ARHGEF38: variants seen among roughly 807,000 people sequenced by gnomAD.
ARHGEF38 encodes Rho guanine nucleotide exchange factor (GEF) 38.
A neutral mutation model predicts 79.9 loss-of-function variants in ARHGEF38; 79 were observed. The ratio of observed to expected loss-of-function variants is 0.99; its 90% CI spans 0.82 to 1.19. The LOEUF (loss-of-function observed/expected upper bound fraction) is 1.19. ARHGEF38 is among the 50% of genes most tolerant of loss of function. The probability of loss-of-function intolerance (pLI) is 0.00; values close to 1 mark genes in which losing one functional copy is unlikely to be tolerated. For missense variants in ARHGEF38, 962 were observed against 907.2 expected (o/e 1.06, Z -0.78); for synonymous variants, 366 against 328.3 (o/e 1.11, Z -1.24).
intron 1 of ARHGEF38, among the ~76,000 whole-genome samples, chr4:105,567,651 C>G (rs1284445382): frequency 6.6e-6 from 1 of 152,040 alleles, no homozygotes; most frequent in Non-Finnish European, 1.5e-5. Flanking sequence ...GTCTTTACTT[C>G]TAGATTATAC....
chr4:105,565,171 C>A (rs1578258127), intron 1 of ARHGEF38, among the ~76,000 whole-genome samples: 1 of 152,164 alleles, frequency 6.6e-6, no homozygotes, highest in Non-Finnish European at 1.5e-5. Flanking sequence ...AAATCACATG[C>A]CCTTCCAATG....
intron 7 of ARHGEF38, among the ~76,000 whole-genome samples, chr4:105,652,928 A>C (rs974207771): frequency 1.3e-5 from 2 of 152,214 alleles, no homozygotes; most frequent in Admixed American, 6.5e-5. Flanking sequence ...TTCTAATATC[A>C]ACCCTCTTAA....
At chr4:105,611,337 A>C (rs1440974648) in intron 2 of ARHGEF38, among the ~76,000 whole-genome samples, 20 of 152,106 alleles carry the variant, frequency 1.3e-4, no homozygotes, top group Admixed American at 1.3e-3. Flanking sequence ...TTTGAACTAA[A>C]CCAATTTATA....
intron 5 of ARHGEF38, among the ~76,000 whole-genome samples, chr4:105,644,616 A>G (rs1325022006): frequency 6.6e-6 from 1 of 152,244 alleles, no homozygotes; most frequent in East Asian, 1.9e-4. Context: ...ATGATTAGTG[A>G]TAGGGATAGT....
intron 10 of ARHGEF38, among the ~76,000 whole-genome samples, chr4:105,665,353 T>C (rs896820888): frequency 6.6e-6 from 1 of 151,542 alleles, no homozygotes; most frequent in South Asian, 2.1e-4. Flanking sequence ...AATAATTAGC[T>C]GGGCGTGGTG....
At chr4:105,583,260 A>G (rs1726880953) in intron 1 of ARHGEF38, among the ~76,000 whole-genome samples, 1 of 152,232 alleles carries the variant, frequency 6.6e-6, no homozygotes, top group African/African-American at 2.4e-5. Context: ...AAAAACATCT[A>G]AAGTTCATTA....
chr4:105,598,605 G>A (rs751734087), intron 2 of ARHGEF38, among the ~76,000 whole-genome samples: 6 of 151,824 alleles, frequency 4.0e-5, no homozygotes, highest in African/African-American at 1.2e-4. Context: ...TACAAATACC[G>A]ATTTTCATGA....
At position 105,613,498 on chromosome 4, in the gene ARHGEF38, C is replaced by A. The variant is rs1488328103; in HGVS notation, c.499C>A (p.Gln167Lys). 1.2e-6 allele frequency: 2 copies of A among 1,612,600 alleles called. No homozygotes were observed. The highest frequency in any genetic ancestry group is 1.7e-5 in the Admixed American group (1 of 59,902). Residue 167 changes from glutamine (Q) to lysine (K), a missense_variant, in exon 3 of 14, where the codon CAA becomes AAA. By Grantham distance (53) the Gln-to-Lys change is moderately conservative. Transcript: ENST00000420470. ...CACAACAGACGTGGAACCGGCCATG[C>A]AAGTAATTGGTATGTTTATTCTCTT... ...EATTDVEPAM[Q>K]VIGEVFLQIK...
At position 105,679,823 on chromosome 4, in the gene ARHGEF38, G is replaced by A; in HGVS notation, c.*1886G>A. On this transcript the variant is annotated 3_prime_UTR_variant, in exon 14 of 14. Transcript: ENST00000420470. ...CACGCATCCAGAGAGATGGATATAGGACTCAATATCCTGAGGAGGAGAACT... is the reference window on the plus strand; with the variant it reads ...CACGCATCCAGAGAGATGGATATAGAACTCAATATCCTGAGGAGGAGAACT... 1 of 1,236,274 alleles carries A rather than the reference G, an allele frequency of 8.1e-7. No individual in the cohort carries two copies. The highest frequency in any genetic ancestry group is 1.2e-6 in the Non-Finnish European group (1 of 841,490). The allele number at this position is 1,236,274 out of a possible 1,614,324, so 76.6% of individuals were successfully genotyped here.
intron 13 of ARHGEF38, among the ~76,000 whole-genome samples, chr4:105,672,441 T>C (rs1487675914): frequency 6.6e-6 from 1 of 152,190 alleles, no homozygotes; most frequent in Non-Finnish European, 1.5e-5. Context: ...CAGTACTGAT[T>C]TATACCAAGG....
chr4:105,593,435 G>A (rs1229463187), intron 2 of ARHGEF38, among the ~76,000 whole-genome samples: 1 of 152,086 alleles, frequency 6.6e-6, no homozygotes, highest in East Asian at 1.9e-4. Context: ...CTACTCAGGA[G>A]GCTGAGGTGG....
rs1464745713 is a variant in ARHGEF38, at chr4:105,678,890, T to A, written c.*953T>A. The A allele has an allele frequency of 1.3e-5, 2 of 153,098 alleles. No individual in the cohort carries two copies. The highest frequency in any genetic ancestry group is 2.9e-5 in the Non-Finnish European group (2 of 68,770). 9.5% of individuals were successfully genotyped at this position (153,098 alleles called of 1,614,324 possible). On this transcript the variant is annotated 3_prime_UTR_variant, in exon 14 of 14. Coordinates refer to ENST00000420470, the MANE Select transcript of ARHGEF38 (RefSeq NM_001242729.2). ...AGGTATAACTGGATAAGTAGATTTG[T>A]TTACAATCATTCTTGTGAAATACTT...
chr4:105,576,226 A>C (rs983169967), intron 1 of ARHGEF38, among the ~76,000 whole-genome samples: 1 of 152,086 alleles, frequency 6.6e-6, no homozygotes, highest in Non-Finnish European at 1.5e-5. Flanking sequence ...GAATCTGTAC[A>C]TTGCTTTGGG....
intron 5 of ARHGEF38, among the ~76,000 whole-genome samples, chr4:105,644,888 T>C (rs1729771421): frequency 6.6e-6 from 1 of 152,220 alleles, no homozygotes; most frequent in Non-Finnish European, 1.5e-5. Flanking sequence ...TTTCCCATTA[T>C]ATTATAAAGC....
intron 3 of ARHGEF38, among the ~76,000 whole-genome samples, chr4:105,630,662 G>GA (rs999931670): frequency 1.3e-5 from 2 of 149,456 alleles, no homozygotes; most frequent in African/African-American, 4.9e-5. Flanking sequence ...TTTTATAAAA[G>GA]AAAAAAAAGA....
At chr4:105,654,232 C>A in intron 8 of ARHGEF38, 63 bp downstream of exon 8, 5 of 986,040 alleles carry the variant, frequency 5.1e-6, no homozygotes, top group East Asian at 2.7e-5. Flanking sequence ...CATTGATTTC[C>A]ATGGTTGTTT....
rs546394856 is a variant in ARHGEF38 at position 105,618,447 on chromosome 4, C to A, written c.508+4940C>A. On this transcript the variant is annotated intron_variant, in intron 3 of 13. Coordinates refer to ENST00000420470, the MANE Select transcript of ARHGEF38 (RefSeq NM_001242729.2). The stretch of plus-strand genomic sequence containing the variant: ...GACCAGCCTGACCAACATGGTGAAA[C>A]CCTACTCTACTAAAAATGCAAAAAT... Among the ~76,000 whole-genome samples, 275 of 152,148 alleles carry A rather than the reference C, an allele frequency of 1.8e-3. 1 individual carries two copies. The highest frequency in any genetic ancestry group is 2.5e-3 in the Non-Finnish European group (168 of 68,004).
At chr4:105,669,046 T>C (rs1393770690) in intron 13 of ARHGEF38, among the ~76,000 whole-genome samples, 1 of 152,020 alleles carries the variant, frequency 6.6e-6, no homozygotes, top group African/African-American at 2.4e-5. Context: ...ATCCTGTCTT[T>C]AGAAATAATA....
At chr4:105,561,520 GAATAGAATAGAATAGAATAGA>G (rs1725619639) in intron 1 of ARHGEF38, 4 of 149,480 alleles carry the variant, frequency 2.7e-5, no homozygotes, top group African/African-American at 9.9e-5. Context: ...GAATAGAATA[GAATAGAATAGAATAGAATAGA>G]AAAGTTTCTT....
Sources: allele counts gnomAD v4.1 joint callset (sites outside exome capture counted in the v4.1 genomes callset), GRCh38; gene constraint gnomAD v4.1.1; transcripts MANE v1.5; gene names NCBI Gene and HGNC (gene_info 2026-07-23, HGNC 2026-07-21).